The following DEK variants were observed in gnomAD, a reference collection of about 807,000 sequenced individuals.
DEK encodes the protein DEK proto-oncogene.
Under a neutral mutation model 46.8 loss-of-function variants are expected in DEK, and 28 were observed. The ratio of observed to expected loss-of-function variants is 0.60; its 90% CI spans 0.44 to 0.82. DEK has a LOEUF of 0.82. Among genes scored for constraint, DEK ranks in the 40% least tolerant of loss-of-function variants. DEK has a pLI of 0.00. For synonymous variants in DEK, 160 were observed against 144.5 expected (o/e 1.11, Z -0.77); for missense variants, 416 against 430.6 (o/e 0.97, Z 0.30).
chr6:18,232,934 C>T (rs527887935), intron 9 of DEK, among the ~76,000 whole-genome samples: 3 of 152,176 alleles, frequency 2.0e-5, no homozygotes, highest in Non-Finnish European at 4.4e-5. Context: ...CAGCACACTA[C>T]CTGACTTCAA....
intron 1 of DEK, 179 bp from the exon 2 acceptor site, chr6:18,264,175 GCC>G (rs1792004815): frequency 1.3e-5 from 6 of 475,136 alleles, no homozygotes; most frequent in African/African-American, 1.2e-4. Flanking sequence ...CTCCGCCGCC[GCC>G]GTCCAGGGAT....
rs954008666 is a variant in DEK, at chr6:18,251,920, T to TA, written c.574-2082dup. Among the ~76,000 whole-genome samples, 140 of 141,806 alleles carry TA rather than the reference T, an allele frequency of 9.9e-4. 1 individual carries two copies. The highest frequency in any genetic ancestry group is 3.7e-3 in the Middle Eastern group (1 of 272). 93.0% of individuals were successfully genotyped at this position (141,806 alleles called of 152,430 possible). ...GATGTTAAGTTATTCAAGCAGCCAA[T>TA]AAAAAAAAAAATGCAATTCCCAAAA... On this transcript the variant is annotated intron_variant, in intron 6 of 10. Transcript: ENST00000652689.
chr6:18,244,607 G>C (rs1454818028), intron 7 of DEK: 19 of 1,273,348 alleles, frequency 1.5e-5, no homozygotes, highest in Non-Finnish European at 1.9e-5. Context: ...GGTTGTACTG[G>C]GTGAACAGAT....
intron 10 of DEK, 157 bp from the exon 11 acceptor site, chr6:18,225,887 AG>A: frequency 1.1e-6 from 1 of 880,292 alleles, no homozygotes; most frequent in Middle Eastern, 2.3e-4. Flanking sequence ...CCTCGTAGAC[AG>A]GAACTTCCTC....
intron 6 of DEK, 56 bp downstream of exon 6, chr6:18,255,675 C>G: frequency 6.5e-7 from 1 of 1,547,602 alleles, no homozygotes; most frequent in Non-Finnish European, 8.6e-7. Context: ...ATTTTTGTTT[C>G]ATATAAAGAG....
chr6:18,248,630 C>T (rs764324445), intron 7 of DEK, among the ~76,000 whole-genome samples: 4 of 152,012 alleles, frequency 2.6e-5, no homozygotes, highest in East Asian at 1.9e-4. Context: ...TAAAATTTGA[C>T]GCTAAAACAA....
At chr6:18,262,252 C>T (rs1426705736) in intron 2 of DEK, among the ~76,000 whole-genome samples, 1 of 149,992 alleles carries the variant, frequency 6.7e-6, no homozygotes, top group Non-Finnish European at 1.5e-5. Flanking sequence ...AACCTATTTT[C>T]TTTATAAACT....
At chr6:18,254,359 C>T (rs1299625829) in intron 6 of DEK, among the ~76,000 whole-genome samples, 2 of 151,948 alleles carry the variant, frequency 1.3e-5, no homozygotes, top group African/African-American at 4.8e-5. Context: ...ACAGTAACAA[C>T]AACAACAACA....
intron 9 of DEK, among the ~76,000 whole-genome samples, chr6:18,229,571 C>T (rs1467773345): frequency 2.6e-5 from 4 of 152,152 alleles, no homozygotes; most frequent in Admixed American, 6.5e-5. Context: ...ACGAGAACTA[C>T]GTGATGCATG....
chr6:18,253,700 T>C (rs1250468838), intron 6 of DEK, among the ~76,000 whole-genome samples: 2 of 152,168 alleles, frequency 1.3e-5, no homozygotes, highest in Non-Finnish European at 2.9e-5. Flanking sequence ...ATTCTTTTTA[T>C]GTGAGGCTCG....
chr6:18,242,812 AG>A (rs553145726), intron 7 of DEK, among the ~76,000 whole-genome samples: 95 of 152,322 alleles, frequency 6.2e-4, no homozygotes, highest in Admixed American at 1.2e-3. Flanking sequence ...ACTCAAGGAA[AG>A]AAAAAAATCA....
At chr6:18,231,846 C>T (rs2151078380) in intron 9 of DEK, among the ~76,000 whole-genome samples, 1 of 152,294 alleles carries the variant, frequency 6.6e-6, no homozygotes, top group East Asian at 1.9e-4. Context: ...AAGAGGGAAT[C>T]CTCCGTAACT....
At chr6:18,264,136 C>G in intron 1 of DEK, 140 bp from the exon 2 acceptor site, 2 of 726,776 alleles carry the variant, frequency 2.8e-6, no homozygotes, top group Non-Finnish European at 4.1e-6. Context: ...GACCGCAGCG[C>G]TCAGTCCCCA....
intron 9 of DEK, among the ~76,000 whole-genome samples, chr6:18,234,793 A>G (rs1790576343): frequency 6.6e-6 from 1 of 152,142 alleles, no homozygotes; most frequent in African/African-American, 2.4e-5. Flanking sequence ...CCCATTAAAA[A>G]TACTTTCTCA....
chr6:18,260,623 T>C (rs1476569991), intron 2 of DEK, among the ~76,000 whole-genome samples: 6 of 152,164 alleles, frequency 3.9e-5, no homozygotes, highest in African/African-American at 1.4e-4. Context: ...CTGACCCCTT[T>C]CTTAGGACAG....
intron 7 of DEK, among the ~76,000 whole-genome samples, chr6:18,247,747 C>T (rs1466463720): frequency 1.3e-5 from 2 of 152,034 alleles, no homozygotes; most frequent in Admixed American, 1.3e-4. Flanking sequence ...TCTCAGCTCA[C>T]TGCAACCTCT....
At chr6:18,241,850 C>T (rs761819217) in intron 7 of DEK, among the ~76,000 whole-genome samples, 1 of 152,188 alleles carries the variant, frequency 6.6e-6, no homozygotes. Flanking sequence ...ACAGGCTACA[C>T]TGCCTGCTGA....
intron 7 of DEK, among the ~76,000 whole-genome samples, chr6:18,240,278 T>A (rs1425201521): frequency 6.6e-6 from 1 of 152,238 alleles, no homozygotes; most frequent in Non-Finnish European, 1.5e-5. Flanking sequence ...TAAAGGATAA[T>A]GTTCTACAGT....
intron 9 of DEK, among the ~76,000 whole-genome samples, chr6:18,233,508 TCAAA>T (rs901128863): frequency 2.6e-5 from 4 of 151,542 alleles, no homozygotes; most frequent in Non-Finnish European, 4.4e-5. Flanking sequence ...CAAGAAAAAA[TCAAA>T]CAACCCCATC....
Sources: allele counts gnomAD v4.1 joint callset (sites outside exome capture counted in the v4.1 genomes callset), GRCh38; gene constraint gnomAD v4.1.1; transcripts MANE v1.5; gene names NCBI Gene and HGNC (gene_info 2026-07-23, HGNC 2026-07-21).